Variants in RAD17 observed in about 807,000 individuals in gnomAD.
RAD17 encodes the protein RAD17 checkpoint clamp loader component, also known as cell cycle checkpoint protein RAD17.
A neutral mutation model predicts 81.5 loss-of-function variants in RAD17; 31 were observed. The ratio of observed to expected loss-of-function variants is 0.38; its 90% CI spans 0.29 to 0.51. The LOEUF is 0.51. Among genes scored for constraint, RAD17 ranks in the 20% least tolerant of loss-of-function variants. The pLI, the probability that RAD17 is intolerant of heterozygous loss-of-function variation, is 0.88. For synonymous variants in RAD17, 261 were observed against 266.2 expected, an observed-to-expected ratio of 0.98 and a Z score of 0.19; for missense variants, 681 against 781.2, an observed-to-expected ratio of 0.87 and a Z score of 1.53.
At chr5:69,406,472 A>G (rs998155473) in intron 17 of RAD17, among the ~76,000 whole-genome samples, 1 of 151,994 alleles carries the variant, frequency 6.6e-6, no homozygotes, top group Non-Finnish European at 1.5e-5. Flanking sequence ...CATGGTGACT[A>G]TAATTAATAG....
At chr5:69,369,377 G>A (rs934800262), upstream of RAD17, 13 of 1,509,124 alleles carry the variant, frequency 8.6e-6, no homozygotes, top group African/African-American at 1.6e-4. Flanking sequence ...GGGCAGTGAG[G>A]GGCCCCCACC....
At chr5:69,374,989 G>GC (rs1763248376) in intron 6 of RAD17, among the ~76,000 whole-genome samples, 1 of 152,150 alleles carries the variant, frequency 6.6e-6, no homozygotes. Flanking sequence ...TGTGGTGCAT[G>GC]CCTCTGGTCT....
At chr5:69,380,362 T>C (rs1221728349) in intron 6 of RAD17, among the ~76,000 whole-genome samples, 1 of 152,142 alleles carries the variant, frequency 6.6e-6, no homozygotes, top group African/African-American at 2.4e-5. Flanking sequence ...ACCACAAACA[T>C]GAGTGATGTT....
intron 17 of RAD17, among the ~76,000 whole-genome samples, chr5:69,407,444 TCTG>T (rs1279399977): frequency 3.3e-5 from 5 of 152,232 alleles, no homozygotes; most frequent in South Asian, 4.1e-4. Context: ...TAAATATTTT[TCTG>T]CTGCTTTCTG....
At chr5:69,384,250 A>G (rs568726635) in intron 7 of RAD17, 2 of 152,430 alleles carry the variant, frequency 1.3e-5, no homozygotes, top group East Asian at 3.9e-4. Flanking sequence ...TGGGTAGGCC[A>G]CAGTCATAGA....
rs1238346915 is a variant in RAD17, at chr5:69,414,788, A to T, written c.*496A>T. 1 of 160,812 alleles carries T rather than the reference A, an allele frequency of 6.2e-6. No homozygotes were observed. Among genetic ancestry groups the T allele is most frequent in the African/African-American group, 2.4e-5 (1 of 41,512 alleles). 10.0% of individuals were successfully genotyped at this position (160,812 alleles called of 1,614,324 possible). ...TTTACATAAGTTATATCACAATTAA[A>T]ATGTTGAATTTAATTTTGTTTCTCC... On this transcript the variant is annotated 3_prime_UTR_variant, in exon 19 of 19. Coordinates refer to ENST00000354868, the MANE Select transcript of RAD17 (RefSeq NM_133338.3).
chr5:69,406,558 G>A (rs763062346), intron 17 of RAD17, among the ~76,000 whole-genome samples: 1 of 152,088 alleles, frequency 6.6e-6, no homozygotes, highest in Non-Finnish European at 1.5e-5. Flanking sequence ...CTGGATTGTG[G>A]TGGTATGATC....
chr5:69,407,470 T>TTA (rs1253307019), intron 17 of RAD17, among the ~76,000 whole-genome samples: 1 of 152,056 alleles, frequency 6.6e-6, no homozygotes. Context: ...CTTCTAGTCT[T>TTA]TCATTAGGGT....
At chr5:69,386,358 T>C in intron 10 of RAD17, 38 bp from the exon 11 acceptor site, 1 of 1,580,366 alleles carries the variant, frequency 6.3e-7, no homozygotes. Flanking sequence ...TATTTTTAAA[T>C]TAATCATTTA....
intron 11 of RAD17, among the ~76,000 whole-genome samples, chr5:69,388,817 A>G (rs1228637132): frequency 1.3e-5 from 2 of 152,002 alleles, no homozygotes; most frequent in African/African-American, 4.8e-5. Context: ...TACCTTGCCT[A>G]GGCTGGTCTC....
At chr5:69,413,968 A>C in intron 18 of RAD17, 63 bp from the exon 19 acceptor site, 1 of 1,555,700 alleles carries the variant, frequency 6.4e-7, no homozygotes, top group Non-Finnish European at 8.7e-7. Flanking sequence ...CATCACACTC[A>C]TGGTGTAATT....
At position 69,414,378 on chromosome 5, in the gene RAD17, T is replaced by A; in HGVS notation, c.*86T>A. The stretch of plus-strand genomic sequence containing the variant: ...CTTCAGCAGAGTTAATATGCTTTTC[T>A]GATGAATTACACAACAGTTTGTTAA... On this transcript the variant is annotated 3_prime_UTR_variant, in exon 19 of 19. Coordinates refer to ENST00000354868, the MANE Select transcript of RAD17 (RefSeq NM_133338.3). The A allele has an allele frequency of 7.2e-7, 1 of 1,388,106 alleles. No homozygotes were observed. Among genetic ancestry groups the A allele is most frequent in the Non-Finnish European group, 9.9e-7 (1 of 1,011,588 alleles). 86.0% of individuals were successfully genotyped at this position (1,388,106 alleles called of 1,614,324 possible). A position where few individuals can be genotyped will look rare whatever the true frequency, so the allele number is the denominator to read the frequency against.
At chr5:69,410,653 T>G in intron 18 of RAD17, 103 bp downstream of exon 18, 1 of 1,026,102 alleles carries the variant, frequency 9.7e-7, no homozygotes, top group Non-Finnish European at 1.5e-6. Context: ...AAGAAAGACA[T>G]ACTGTACCTA....
At chr5:69,399,021 TAATA>T (rs967139800) in intron 16 of RAD17, among the ~76,000 whole-genome samples, 3 of 149,974 alleles carry the variant, frequency 2.0e-5, no homozygotes, top group Admixed American at 1.3e-4. Flanking sequence ...AAAAAAAAAA[TAATA>T]AAAAAATTAG....
intron 6 of RAD17, among the ~76,000 whole-genome samples, chr5:69,375,339 G>A (rs1380512967): frequency 6.6e-6 from 1 of 152,072 alleles, no homozygotes; most frequent in Non-Finnish European, 1.5e-5. Flanking sequence ...TTACATGTTA[G>A]TTTCTCTACT....
intron 18 of RAD17, among the ~76,000 whole-genome samples, chr5:69,413,044 A>G (rs1277235394): frequency 1.3e-5 from 2 of 152,008 alleles, no homozygotes; most frequent in African/African-American, 4.8e-5. Context: ...TTAAAATTAC[A>G]AATTAGATTT....
intron 18 of RAD17, among the ~76,000 whole-genome samples, chr5:69,410,965 C>CTCTATATATA (rs35777347): frequency 1.1e-5 from 1 of 90,264 alleles, no homozygotes. Flanking sequence ...AGATGTCTGT[C>CTCTATATATA]TATATATATA....
intron 11 of RAD17, among the ~76,000 whole-genome samples, chr5:69,388,487 G>A (rs575704798): frequency 5.9e-4 from 90 of 152,154 alleles, no homozygotes; most frequent in African/African-American, 2.1e-3. Context: ...TGGTCAAAGT[G>A]AAAAAGTAAA....
intron 3 of RAD17, among the ~76,000 whole-genome samples, chr5:69,371,830 T>C (rs1763027116): frequency 1.3e-5 from 2 of 152,060 alleles, no homozygotes; most frequent in Admixed American, 6.6e-5. Flanking sequence ...TGGTAGTTGG[T>C]GTTATAGCTT....
Sources: allele counts gnomAD v4.1 joint callset (sites outside exome capture counted in the v4.1 genomes callset), GRCh38; gene constraint gnomAD v4.1.1; transcripts MANE v1.5; gene names NCBI Gene and HGNC (gene_info 2026-07-23, HGNC 2026-07-21).